Variants in PUM1 observed in about 807,000 individuals in gnomAD.
The protein encoded by PUM1 is pumilio homolog 1.
A neutral mutation model predicts 131.8 loss-of-function variants in PUM1; 13 were observed. The ratio of observed to expected loss-of-function variants is 0.10; its 90% CI spans 0.06 to 0.16. PUM1 has a LOEUF of 0.16. Ranked by LOEUF, PUM1 falls within the 10% of genes least tolerant of loss-of-function variation. The pLI is 1.00. For missense variants in PUM1, 961 were observed against 1,512.4 expected (o/e 0.64, Z 6.05); for synonymous variants, 509 against 556.5 (o/e 0.91, Z 1.20).
chr1:30,965,380 A>C (rs1202894409), intron 13 of PUM1, among the ~76,000 whole-genome samples: 1 of 152,226 alleles, frequency 6.6e-6, no homozygotes, highest in Non-Finnish European at 1.5e-5. Context: ...ATTCCAATTA[A>C]GATACTTTCT....
At chr1:31,035,570 G>A (rs1455220361) in intron 2 of PUM1, among the ~76,000 whole-genome samples, 1 of 151,860 alleles carries the variant, frequency 6.6e-6, no homozygotes, top group Middle Eastern at 3.2e-3. Context: ...TGACCAACAT[G>A]GAGAAACACC....
intron 3 of PUM1, among the ~76,000 whole-genome samples, chr1:31,010,974 G>A (rs747404303): frequency 3.3e-5 from 5 of 152,108 alleles, no homozygotes; most frequent in Non-Finnish European, 5.9e-5. Flanking sequence ...AACCAACATA[G>A]CGAGACTCTA....
In PUM1 at chr1:30,970,224, C is replaced by G. The variant is rs540192172; in HGVS notation, c.1507-1732G>C. Among the ~76,000 whole-genome samples the G allele has an allele frequency of 5.9e-5, 9 of 151,802 alleles. No individual in the cohort carries two copies. In the South Asian group the frequency reaches 1.0e-3, roughly 18 times the overall value. On this transcript the variant is annotated intron_variant, in intron 10 of 21. Transcript: ENST00000426105. ...AGACATATGGTCAAGAAAATGGGTA[C>G]AAATTATTCTTGGTACCAGTGGTAA...
At position 31,014,111 on chromosome 1, in the gene PUM1, GAA is replaced by G. The variant is rs10570305; in HGVS notation, c.433-7011_433-7010del. The stretch of plus-strand genomic sequence containing the variant: ...AGTCTAGGAGTTAAAGACCAGCCTG[GAA>G]AACATGTGACAGCCCATCTCTACAA... On this transcript the variant is annotated intron_variant, in intron 3 of 21. Transcript: ENST00000426105. Among the ~76,000 whole-genome samples, 926 of 151,710 alleles carry G rather than the reference GAA, an allele frequency of 6.1e-3. 9 individuals are homozygous for G. The highest frequency in any genetic ancestry group is 0.021 in the African/African-American group (887 of 41,360).
intron 2 of PUM1, among the ~76,000 whole-genome samples, chr1:31,039,202 C>T (rs1025006150): frequency 5.6e-5 from 8 of 142,714 alleles, no homozygotes; most frequent in Middle Eastern, 3.2e-3. Context: ...CTCCCTGTTA[C>T]CCACGCTAAC....
At chr1:31,009,782 A>AAAAAACCAAAAAC (rs1642538990) in intron 3 of PUM1, among the ~76,000 whole-genome samples, 1 of 125,368 alleles carries the variant, frequency 8.0e-6, no homozygotes, top group South Asian at 2.6e-4. Flanking sequence ...AAAAAAAAAA[A>AAAAAACCAAAAAC]AAAAACAAAA....
intron 3 of PUM1, among the ~76,000 whole-genome samples, chr1:31,008,901 C>T (rs1251844794): frequency 6.6e-6 from 1 of 151,464 alleles, no homozygotes; most frequent in African/African-American, 2.4e-5. Context: ...AGGCCGGGCG[C>T]GGTGGCTCAC....
intron 21 of PUM1, chr1:30,935,561 T>C (rs1639171598): frequency 2.4e-6 from 1 of 423,104 alleles, no homozygotes; most frequent in Non-Finnish European, 4.7e-6. Flanking sequence ...TCCCTCTGCC[T>C]TCACCAGCAT....
Position 31,007,072 on chromosome 1 carries a change from T to C in PUM1, c.463A>G (p.Thr155Ala). The part of the protein sequence containing the change: ...QLLPGKKFWE[T>A]DESSKDGPKG... ...GGTCCATCTTTGCTGGATTCATCTG[T>C]TTCCCAAAACTTTTTACCTGGCAAG... is the stretch of plus-strand genomic sequence containing the variant. The change falls in exon 4 of 22, where the codon ACA becomes GCA. Residue 155 changes from threonine (T) to alanine (A), a missense_variant. Thr to Ala is a moderately conservative substitution (Grantham distance 58). Coordinates refer to ENST00000426105, the MANE Select transcript of PUM1 (RefSeq NM_001020658.2). The C allele has an allele frequency of 6.2e-7, 1 of 1,614,038 alleles. No homozygotes were observed. The highest frequency in any genetic ancestry group is 1.1e-5 in the South Asian group (1 of 91,080).
At chr1:31,062,175 C>T (rs528602202) in intron 1 of PUM1, among the ~76,000 whole-genome samples, 6 of 152,194 alleles carry the variant, frequency 3.9e-5, no homozygotes, top group African/African-American at 1.4e-4. Context: ...GCAGGAGTAA[C>T]TCAACAATAT....
chr1:31,033,654 C>G (rs984276098), intron 2 of PUM1, among the ~76,000 whole-genome samples: 1 of 152,002 alleles, frequency 6.6e-6, no homozygotes, highest in Non-Finnish European at 1.5e-5. Context: ...GTGTTAGCCA[C>G]CACGCCCAGC....
intron 2 of PUM1, among the ~76,000 whole-genome samples, chr1:31,031,885 C>CCT: frequency 6.7e-6 from 1 of 149,852 alleles, no homozygotes; most frequent in East Asian, 2.0e-4. Flanking sequence ...CTCCCCTGGC[C>CCT]CTCTCTCTCT....
At chr1:31,052,592 C>G (rs944017897) in intron 2 of PUM1, among the ~76,000 whole-genome samples, 1 of 151,948 alleles carries the variant, frequency 6.6e-6, no homozygotes, top group Admixed American at 6.6e-5. Flanking sequence ...GTCTCAAACT[C>G]CTGGCCTCAA....
intron 3 of PUM1, among the ~76,000 whole-genome samples, chr1:31,022,077 GA>G (rs57578146): frequency 0.66 from 92,841 of 139,828 alleles, 30,515 homozygotes; most frequent in East Asian, 0.86. Context: ...TCCGAGCCTA[GA>G]AAAAAAAAAA....
intron 6 of PUM1, among the ~76,000 whole-genome samples, chr1:30,992,867 C>T (rs138593339): frequency 6.6e-6 from 1 of 152,306 alleles, no homozygotes; most frequent in Non-Finnish European, 1.5e-5. Context: ...CCATATAACT[C>T]ACCCCTTAAA....
intron 10 of PUM1, among the ~76,000 whole-genome samples, chr1:30,972,660 G>A (rs1184868497): frequency 4.6e-5 from 7 of 150,976 alleles, no homozygotes; most frequent in Non-Finnish European, 8.9e-5. Flanking sequence ...TGTAATCCCA[G>A]CTACTCAGGA....
intron 14 of PUM1, among the ~76,000 whole-genome samples, chr1:30,961,729 G>A (rs1327243986): frequency 6.6e-6 from 1 of 151,588 alleles, no homozygotes; most frequent in African/African-American, 2.4e-5. Context: ...ACAAGATGGG[G>A]AAAAGATCCA....
In PUM1 at chr1:30,933,272, T is replaced by C; in HGVS notation, c.3506A>G (p.Tyr1169Cys). 1.2e-6 allele frequency: 2 copies of C among 1,613,728 alleles called. No individual in the cohort carries two copies. Among genetic ancestry groups the C allele is most frequent in the Non-Finnish European group, 1.7e-6 (2 of 1,179,802 alleles). ...GKHILAKLEKYYMKNGVDLGP... is the reference protein window; with the variant it reads ...GKHILAKLEKCYMKNGVDLGP... ...TAAGTCAACACCGTTCTTCATGTAG[T>C]ACTTCTCCAGCTTGGCCAGAATGTG... Residue 1169 changes from tyrosine (Y) to cysteine (C), a missense_variant, in exon 22 of 22, where the codon TAC becomes TGC. Physicochemically the swap from Tyr to Cys is radical, Grantham distance 194. Around this residue, in one of 4 missense-constraint regions of PUM1, gnomAD observed 178 missense variants for 327.5 expected, o/e 0.54. Transcript: ENST00000426105.
At chr1:30,991,113 C>T (rs978747286) in intron 7 of PUM1, among the ~76,000 whole-genome samples, 2 of 150,904 alleles carry the variant, frequency 1.3e-5, no homozygotes, top group African/African-American at 4.9e-5. Context: ...CATAAGAAAT[C>T]TGAGACAAAC....
Sources: gnomAD v4.1 joint callset for allele counts (sites outside exome capture counted in the v4.1 genomes callset) on GRCh38, gnomAD v4.1.1 for gene constraint, gnomAD v4.1.1 regional missense constraint, MANE v1.5 for transcripts, NCBI Gene and HGNC (gene_info 2026-07-23, HGNC 2026-07-21) for gene names.